Variants in KCNQ3 observed in about 807,000 individuals in gnomAD.
KCNQ3 encodes potassium voltage-gated channel subfamily Q member 3, also known as potassium voltage-gated channel subfamily KQT member 3.
In KCNQ3, 30 loss-of-function variants were observed where a neutral mutation model predicts 92.5. The observed-to-expected ratio is 0.32, with a 90% CI of 0.24 to 0.44. The LOEUF (loss-of-function observed/expected upper bound fraction) is 0.44, where lower values mean the gene tolerates loss of function less well. KCNQ3 is among the 20% of genes least tolerant of loss of function. The pLI, the probability that KCNQ3 is intolerant of heterozygous loss-of-function variation, is 1.00. For missense variants in KCNQ3, 913 were observed against 1,140.3 expected, an observed-to-expected ratio of 0.80 and a Z score of 2.87; for synonymous variants, 450 against 468.8, an observed-to-expected ratio of 0.96 and a Z score of 0.52.
At chr8:132,242,793 C>G (rs1217018907) in intron 1 of KCNQ3, among the ~76,000 whole-genome samples, 1 of 152,198 alleles carries the variant, frequency 6.6e-6, no homozygotes, top group East Asian at 1.9e-4. Context: ...CCTGACATTA[C>G]ATTTCTGTGA....
At chr8:132,153,402 C>T (rs1464512549) in intron 9 of KCNQ3, among the ~76,000 whole-genome samples, 1 of 152,168 alleles carries the variant, frequency 6.6e-6, no homozygotes, top group Non-Finnish European at 1.5e-5. Context: ...CACAGCTTCA[C>T]TTTAGTATTC....
intron 1 of KCNQ3, among the ~76,000 whole-genome samples, chr8:132,339,695 C>T (rs1818464305): frequency 6.6e-6 from 1 of 152,052 alleles, no homozygotes; most frequent in South Asian, 2.1e-4. Context: ...GACAAGCAAA[C>T]AGCCCCTGTA....
intron 1 of KCNQ3, among the ~76,000 whole-genome samples, chr8:132,264,197 AG>A (rs1187392507): frequency 3.6e-4 from 55 of 152,260 alleles, no homozygotes; most frequent in Non-Finnish European, 6.6e-4. Context: ...ATTTCATTTT[AG>A]TCTTCAGATC....
intron 6 of KCNQ3, 94 bp from the exon 7 acceptor site, chr8:132,172,787 T>A: frequency 1.1e-6 from 1 of 881,072 alleles, no homozygotes; most frequent in Non-Finnish European, 1.9e-6. Context: ...TAGGGCTCAA[T>A]TGCACTTCAA....
rs556810616 is a variant in KCNQ3, at chr8:132,416,715, T to C, written c.386+63432A>G. Reference sequence around the variant, plus strand: ...GGGGCACTGAAGCCACAGAGAGGAATTAGATACAAAACCTGCCCTCAAGGG... The same window carrying C: ...GGGGCACTGAAGCCACAGAGAGGAACTAGATACAAAACCTGCCCTCAAGGG... On this transcript the variant is annotated intron_variant, in intron 1 of 14. Coordinates refer to ENST00000388996, the MANE Select transcript of KCNQ3 (RefSeq NM_004519.4). Among the ~76,000 whole-genome samples, 17 of 152,150 alleles carry C rather than the reference T, an allele frequency of 1.1e-4. No homozygotes were observed. The East Asian group carries it at 3.3e-3, about 29-fold the overall frequency.
At chr8:132,255,256 G>A (rs778375286) in intron 1 of KCNQ3, among the ~76,000 whole-genome samples, 36 of 152,056 alleles carry the variant, frequency 2.4e-4, no homozygotes, top group Admixed American at 6.5e-5. Context: ...GGTCTGTCTG[G>A]TGATTCCCTG....
intron 1 of KCNQ3, among the ~76,000 whole-genome samples, chr8:132,388,519 A>T (rs1001882332): frequency 6.6e-6 from 1 of 152,214 alleles, no homozygotes; most frequent in Non-Finnish European, 1.5e-5. Flanking sequence ...GAAAAAAAAT[A>T]ATATTAGAAA....
At chr8:132,153,882 G>A (rs2130026513) in intron 9 of KCNQ3, among the ~76,000 whole-genome samples, 1 of 152,198 alleles carries the variant, frequency 6.6e-6, no homozygotes, top group South Asian at 2.1e-4. Flanking sequence ...TATTTGCTAG[G>A]AAGAGAAAGG....
At chr8:132,452,735 T>C (rs747620303) in intron 1 of KCNQ3, among the ~76,000 whole-genome samples, 2 of 152,164 alleles carry the variant, frequency 1.3e-5, no homozygotes, top group Non-Finnish European at 2.9e-5. Flanking sequence ...TCAAGCATGA[T>C]AGAGGATTCA....
At chr8:132,141,080 G>C (rs945083424) in intron 10 of KCNQ3, 49 bp downstream of exon 10, 1 of 1,538,768 alleles carries the variant, frequency 6.5e-7, no homozygotes, top group Non-Finnish European at 9.0e-7. Context: ...AAGTGGACTT[G>C]GGGGAGGAAG....
At position 132,154,215 on chromosome 8, in the gene KCNQ3, T is replaced by A. The variant is rs1422484608; in HGVS notation, c.1262+9253A>T. Among the ~76,000 whole-genome samples, 50 of 143,276 alleles carry A rather than the reference T, an allele frequency of 3.5e-4. 2 individuals are homozygous for A. Among genetic ancestry groups the A allele is most frequent in the African/African-American group, 1.3e-3 (48 of 37,914 alleles). The allele number at this position is 143,276 out of a possible 152,430, so 94.0% of individuals were successfully genotyped here. On this transcript the variant is annotated intron_variant, in intron 9 of 14. Transcript: ENST00000388996. ...AAAGTTTTTTTTTTTTTTTTTTTTT[T>A]TTTTTTTTAGCCAATCAGGCTTTTT...
intron 1 of KCNQ3, among the ~76,000 whole-genome samples, chr8:132,346,593 A>T (rs952063303): frequency 3.3e-5 from 5 of 152,212 alleles, no homozygotes; most frequent in Non-Finnish European, 5.9e-5. Flanking sequence ...TAATGAGGGA[A>T]TATAGATGCT....
chr8:132,186,681 C>A, intron 1 of KCNQ3: 1 of 279,556 alleles, frequency 3.6e-6, no homozygotes, highest in Non-Finnish European at 7.1e-6. Context: ...ATATTGTCAC[C>A]AAGTATGAAT....
intron 1 of KCNQ3, among the ~76,000 whole-genome samples, chr8:132,381,832 C>T (rs1053197439): frequency 2.0e-5 from 3 of 152,202 alleles, no homozygotes. Context: ...CAACCTTGTA[C>T]ACCAGGGGAT....
intron 1 of KCNQ3, among the ~76,000 whole-genome samples, chr8:132,351,136 AT>A (rs1288135941): frequency 6.6e-6 from 1 of 152,132 alleles, no homozygotes; most frequent in Non-Finnish European, 1.5e-5. Context: ...AGCACTAAGC[AT>A]TCTCTAGGTT....
chr8:132,227,589 G>T (rs2130360551), intron 1 of KCNQ3, among the ~76,000 whole-genome samples: 1 of 152,248 alleles, frequency 6.6e-6, no homozygotes, highest in Middle Eastern at 3.4e-3. Flanking sequence ...GTGTTATTTT[G>T]TTATGACAGC....
At chr8:132,170,242 T>A in intron 8 of KCNQ3, 92 bp downstream of exon 8, 1 of 903,550 alleles carries the variant, frequency 1.1e-6, no homozygotes, top group Non-Finnish European at 1.8e-6. Context: ...TGAAGAGTGT[T>A]CTCCAGGGAC....
rs1824456882 is a variant in KCNQ3, at chr8:132,121,164, A to G, written c.*8098T>C. 6.6e-6 allele frequency: 1 copy of G among 152,204 alleles called. No homozygotes were observed. Among genetic ancestry groups the G allele is most frequent in the Non-Finnish European group, 1.5e-5 (1 of 68,030 alleles). 9.4% of individuals were successfully genotyped at this position (152,204 alleles called of 1,614,324 possible). A position where few individuals can be genotyped will look rare whatever the true frequency, so the allele number is the denominator to read the frequency against. On this transcript the variant is annotated 3_prime_UTR_variant, in exon 15 of 15. Coordinates refer to ENST00000388996, the MANE Select transcript of KCNQ3 (RefSeq NM_004519.4). ...GCAAGGCACCAGAATTCTATGCCAT[A>G]AAAAGGGGTTAAAAAATACAATCCA... is the stretch of plus-strand genomic sequence containing the variant.
At chr8:132,161,797 T>C (rs1311752456) in intron 9 of KCNQ3, among the ~76,000 whole-genome samples, 1 of 152,198 alleles carries the variant, frequency 6.6e-6, no homozygotes, top group Non-Finnish European at 1.5e-5. Flanking sequence ...TTCCTGACAT[T>C]CTGTAGTCAC....
Sources: gnomAD v4.1 joint callset for allele counts (sites outside exome capture counted in the v4.1 genomes callset) on GRCh38, gnomAD v4.1.1 for gene constraint, MANE v1.5 for transcripts, NCBI Gene and HGNC (gene_info 2026-07-23, HGNC 2026-07-21) for gene names.